The following VAV2 variants were observed in gnomAD, a reference collection of about 807,000 sequenced individuals.
VAV2 encodes vav guanine nucleotide exchange factor 2.
In VAV2, 67 loss-of-function variants were observed where a neutral mutation model predicts 132.5. That is an observed-to-expected ratio of 0.51 (90% confidence interval 0.42 to 0.62). The LOEUF is 0.62. VAV2 is among the 20% of genes least tolerant of loss of function. The probability of loss-of-function intolerance (pLI) is 0.00; values close to 1 mark genes in which losing one functional copy is unlikely to be tolerated. For synonymous variants in VAV2, 492 were observed against 443.5 expected (o/e 1.11, Z -1.37); for missense variants, 938 against 1,153.6 (o/e 0.81, Z 2.71).
chr9:133,806,232 A>C (rs1311589642), intron 8 of VAV2, 51 bp from the exon 9 acceptor site: 2 of 1,557,932 alleles, frequency 1.3e-6, no homozygotes, highest in Non-Finnish European at 1.7e-6. Flanking sequence ...CCAAGGCTAG[A>C]CGGGAGCGCC....
chr9:133,922,481 C>T (rs1840331878), intron 2 of VAV2, among the ~76,000 whole-genome samples: 2 of 152,232 alleles, frequency 1.3e-5, no homozygotes, highest in Non-Finnish European at 2.9e-5. Context: ...CCTTCCTGCC[C>T]ATCAGGTGAT....
At position 133,918,451 on chromosome 9, in the gene VAV2, C is replaced by CA. The variant is rs1295672449; in HGVS notation, c.321+20651_321+20652insT. On this transcript the variant is annotated intron_variant, in intron 2 of 29. Transcript: ENST00000371850. This position sits in a 1 kb window ranked among gnomAD's most constrained non-coding sequence, Gnocchi z 4.7. ...ACCCAGGCCAGGGGCCCTGGAAAGG[C>CA]GGCAGACTCCTTCTCGGTGGCACCC... 4.0e-5 allele frequency among the ~76,000 whole-genome samples: 6 copies of CA among 151,894 alleles called. No individual in the cohort carries two copies. Among genetic ancestry groups the CA allele is most frequent in the African/African-American group, 1.5e-4 (6 of 41,304 alleles).
chr9:133,869,732 C>T (rs1837953710), intron 2 of VAV2, among the ~76,000 whole-genome samples: 1 of 152,238 alleles, frequency 6.6e-6, no homozygotes, highest in Admixed American at 6.5e-5. Context: ...TTTCTGGCCC[C>T]GACCCTCCGA....
chr9:133,979,908 C>A (rs1292671793), intron 1 of VAV2, among the ~76,000 whole-genome samples: 2 of 152,248 alleles, frequency 1.3e-5, no homozygotes, highest in South Asian at 4.1e-4. Flanking sequence ...TGCCTTCTCT[C>A]TCTCATCTGA....
At chr9:133,944,374 CG>C (rs549626086) in intron 1 of VAV2, among the ~76,000 whole-genome samples, 343 of 152,308 alleles carry the variant, frequency 2.3e-3, no homozygotes, top group African/African-American at 8.1e-3. Context: ...GAAACTAAGC[CG>C]GGGGAGGCAA....
intron 15 of VAV2, among the ~76,000 whole-genome samples, chr9:133,787,706 A>C (rs1834283122): frequency 6.7e-6 from 1 of 148,690 alleles, no homozygotes; most frequent in Admixed American, 6.8e-5. Flanking sequence ...GCCAGCCAGC[A>C]ATAGCCCTAT....
chr9:133,780,576 C>T, intron 20 of VAV2, 118 bp downstream of exon 20: 1 of 1,227,246 alleles, frequency 8.1e-7, no homozygotes, highest in Non-Finnish European at 1.0e-6. Flanking sequence ...AGTGGCTCAT[C>T]CAAGCCGGTG....
chr9:133,812,012 G>C (rs1835374618), intron 5 of VAV2, 102 bp downstream of exon 5: 1 of 1,227,638 alleles, frequency 8.1e-7, no homozygotes, highest in African/African-American at 1.5e-5. Context: ...CTCCCCTTCG[G>C]TGGCTCAGAC....
intron 9 of VAV2, among the ~76,000 whole-genome samples, chr9:133,805,786 C>T (rs1054766849): frequency 6.6e-6 from 1 of 152,240 alleles, no homozygotes; most frequent in Non-Finnish European, 1.5e-5. Context: ...GAGATCTCCG[C>T]TGGGACAGCC....
intron 3 of VAV2, among the ~76,000 whole-genome samples, chr9:133,851,909 G>GGATGGGTGGATGGATGGA (rs1837196717): frequency 7.1e-6 from 1 of 140,746 alleles, no homozygotes; most frequent in Non-Finnish European, 1.5e-5. Flanking sequence ...GGATGGATGG[G>GGATGGGTGGATGGATGGA]TGGATGGATG....
rs1218533792 is a variant in VAV2, at chr9:133,961,079, A to G, written c.205-21860T>C. On this transcript the variant is annotated intron_variant, in intron 1 of 29. Coordinates refer to ENST00000371850, the MANE Select transcript of VAV2 (RefSeq NM_001134398.2). The surrounding 1 kb of genome is among the most constrained non-coding windows in gnomAD (Gnocchi z 4.1). Reference sequence around the variant, plus strand: ...CTCCACTGGCCCACACCCGGCACACATCACGGGCGGCCCCAAGCTCTCCAG... The same window carrying G: ...CTCCACTGGCCCACACCCGGCACACGTCACGGGCGGCCCCAAGCTCTCCAG... 6.6e-6 allele frequency among the ~76,000 whole-genome samples: 1 copy of G among 152,236 alleles called. No homozygotes were observed. The highest frequency in any genetic ancestry group is 1.5e-5 in the Non-Finnish European group (1 of 68,040).
intron 3 of VAV2, among the ~76,000 whole-genome samples, chr9:133,842,187 A>G (rs2131812814): frequency 6.6e-6 from 1 of 152,314 alleles, no homozygotes. Flanking sequence ...CTGGCATCTC[A>G]GGTGAAGGAT....
At position 133,795,772 on chromosome 9, in the gene VAV2, C is replaced by G. The variant is rs538076258; in HGVS notation, c.1033-36G>C. 2.5e-6 allele frequency: 4 copies of G among 1,607,310 alleles called. No homozygotes were observed. In the South Asian group the frequency reaches 4.4e-5, roughly 18 times the overall value. ...GAGAAGAGTGTCATGTGTTACCACTCGGGGGTTCTGGCCTCTGCCCTGGCC... is the reference window on the plus strand; with the variant it reads ...GAGAAGAGTGTCATGTGTTACCACTGGGGGGTTCTGGCCTCTGCCCTGGCC... On this transcript the variant is annotated intron_variant, in intron 11 of 29. Transcript: ENST00000371850.
chr9:133,944,077 A>G (rs1272684441), intron 1 of VAV2, among the ~76,000 whole-genome samples: 1 of 152,084 alleles, frequency 6.6e-6, no homozygotes, highest in Non-Finnish European at 1.5e-5. Flanking sequence ...CCTGGATGGC[A>G]AGCTTCACCG....
chr9:133,849,388 G>A (rs1181865421), intron 3 of VAV2, among the ~76,000 whole-genome samples: 1 of 152,180 alleles, frequency 6.6e-6, no homozygotes, highest in South Asian at 2.1e-4. Context: ...AAGAAGCACT[G>A]GTTAGGGCTC....
chr9:133,856,650 G>T (rs546113057), intron 3 of VAV2, among the ~76,000 whole-genome samples: 1 of 152,188 alleles, frequency 6.6e-6, no homozygotes, highest in Non-Finnish European at 1.5e-5. Context: ...CAGTTCAGGG[G>T]GTCAGAAGTC....
intron 1 of VAV2, among the ~76,000 whole-genome samples, chr9:133,986,459 G>T (rs917383028): frequency 6.6e-6 from 1 of 152,206 alleles, no homozygotes; most frequent in South Asian, 2.1e-4. Context: ...CATTTGCTGG[G>T]ACAATTGTGG....
intron 4 of VAV2, among the ~76,000 whole-genome samples, chr9:133,829,699 A>C (rs1305474008): frequency 2.0e-5 from 3 of 151,984 alleles, no homozygotes; most frequent in Non-Finnish European, 4.4e-5. Context: ...CAGTGACAGG[A>C]TCTATGTTGC....
At chr9:133,934,446 C>T (rs563264660) in intron 2 of VAV2, among the ~76,000 whole-genome samples, 1 of 152,302 alleles carries the variant, frequency 6.6e-6, no homozygotes, top group South Asian at 2.1e-4. Context: ...GCGGGTGTTT[C>T]CAGAGGAGAC....
Sources: gnomAD v4.1 joint callset for allele counts (sites outside exome capture counted in the v4.1 genomes callset) on GRCh38, gnomAD v4.1.1 for gene constraint, Gnocchi (gnomAD v3.1) non-coding constraint, MANE v1.5 for transcripts, NCBI Gene and HGNC (gene_info 2026-07-23, HGNC 2026-07-21) for gene names.